TSHZ3: variants seen among roughly 807,000 people sequenced by gnomAD.
The protein encoded by TSHZ3 is teashirt homolog 3.
In TSHZ3, 10 loss-of-function variants were observed where a neutral mutation model predicts 64.5. The ratio of observed to expected loss-of-function variants is 0.16; its 90% confidence interval spans 0.10 to 0.26. TSHZ3 has a LOEUF of 0.26. TSHZ3 is among the 10% of genes least tolerant of loss of function. TSHZ3 has a pLI of 1.00. For missense variants in TSHZ3, 1,242 were observed against 1,421.7 expected (o/e 0.87, Z 2.03); for synonymous variants, 608 against 593.1 (o/e 1.03, Z -0.36).
chr19:31,221,389 T>C (rs1975393439), intron 4 of TSHZ3, among the ~76,000 whole-genome samples: 2 of 152,182 alleles, frequency 1.3e-5, no homozygotes, highest in Admixed American at 6.5e-5. Context: ...TGTCTTCAAA[T>C]CAAAGTCAAC....
chr19:31,212,197 T>A (rs1975265963), intron 4 of TSHZ3, among the ~76,000 whole-genome samples: 1 of 152,146 alleles, frequency 6.6e-6, no homozygotes, highest in Non-Finnish European at 1.5e-5. Flanking sequence ...GGCTCACACC[T>A]GTAATACCAG....
chr19:31,183,224 C>T (rs531534318), intron 5 of TSHZ3, among the ~76,000 whole-genome samples: 2,080 of 25,126 alleles, frequency 0.083, 25 homozygotes, highest in African/African-American at 0.23. Flanking sequence ...CTCTCTCTCT[C>T]TCTTTCTCTC....
At chr19:31,267,820 G>T (rs1976075154) in intron 1 of TSHZ3, among the ~76,000 whole-genome samples, 1 of 152,114 alleles carries the variant, frequency 6.6e-6, no homozygotes, top group East Asian at 1.9e-4. Flanking sequence ...TTGAGAATGG[G>T]GATATTGAAA....
chr19:31,341,778 C>A (rs1030666979), intron 1 of TSHZ3, among the ~76,000 whole-genome samples: 3 of 152,192 alleles, frequency 2.0e-5, no homozygotes, highest in East Asian at 1.9e-4. Flanking sequence ...AGGCCACATT[C>A]TTCCCTGGTT....
intron 5 of TSHZ3, among the ~76,000 whole-genome samples, chr19:31,182,420 C>T (rs1359296758): frequency 6.6e-6 from 1 of 152,160 alleles, no homozygotes; most frequent in Non-Finnish European, 1.5e-5. Context: ...GTGGAAGGCA[C>T]TGTTTCACTC....
intron 5 of TSHZ3, among the ~76,000 whole-genome samples, chr19:31,174,822 A>T (rs894239888): frequency 2.0e-5 from 3 of 152,202 alleles, no homozygotes; most frequent in Non-Finnish European, 4.4e-5. Flanking sequence ...GCTGAACAGG[A>T]GTGGGACCAG....
At chr19:31,225,324 G>A (rs766867813) in intron 4 of TSHZ3, among the ~76,000 whole-genome samples, 12 of 152,112 alleles carry the variant, frequency 7.9e-5, no homozygotes, top group Non-Finnish European at 1.6e-4. Context: ...ACAAGCCTAG[G>A]GGGATAAGCT....
chr19:31,215,728 G>T (rs970680017), intron 4 of TSHZ3, among the ~76,000 whole-genome samples: 3 of 152,054 alleles, frequency 2.0e-5, no homozygotes, highest in Non-Finnish European at 4.4e-5. Flanking sequence ...AAAATTAGCC[G>T]GGCATAGTGG....
At chr19:31,222,997 C>A (rs1267560202) in intron 4 of TSHZ3, among the ~76,000 whole-genome samples, 1 of 152,146 alleles carries the variant, frequency 6.6e-6, no homozygotes, top group Non-Finnish European at 1.5e-5. Flanking sequence ...TTGAGTGGAT[C>A]TCACACAATT....
intron 6 of TSHZ3, among the ~76,000 whole-genome samples, chr19:31,151,935 TA>T (rs1405990618): frequency 6.6e-6 from 1 of 152,194 alleles, no homozygotes; most frequent in Non-Finnish European, 1.5e-5. Context: ...GACAATAGTT[TA>T]ATTATTCACA....
intron 1 of TSHZ3, among the ~76,000 whole-genome samples, chr19:31,293,030 A>AATCCATCC (rs1042589257): frequency 2.5e-5 from 3 of 121,040 alleles, no homozygotes; most frequent in Non-Finnish European, 3.5e-5. Context: ...TCCATCCAAA[A>AATCCATCC]ATCCATCCAT....
chr19:31,264,543 G>A (rs1310428268), intron 1 of TSHZ3, among the ~76,000 whole-genome samples: 1 of 152,148 alleles, frequency 6.6e-6, no homozygotes, highest in Non-Finnish European at 1.5e-5. Context: ...AGGGCCCAGG[G>A]CCAGCCAGAG....
chr19:31,331,826 A>AAGG (rs1917104839), intron 1 of TSHZ3, among the ~76,000 whole-genome samples: 2 of 152,140 alleles, frequency 1.3e-5, no homozygotes, highest in Non-Finnish European at 2.9e-5. Context: ...GCACCTTCGT[A>AAGG]AGGAGGGGTG....
chr19:31,209,772 C>G (rs1455021333), intron 4 of TSHZ3, among the ~76,000 whole-genome samples: 1 of 152,106 alleles, frequency 6.6e-6, no homozygotes, highest in African/African-American at 2.4e-5. Flanking sequence ...TGGTGTTTGT[C>G]AGCAGTTGGG....
intron 1 of TSHZ3, among the ~76,000 whole-genome samples, chr19:31,243,921 G>A (rs994790072): frequency 1.3e-5 from 2 of 152,130 alleles, no homozygotes; most frequent in African/African-American, 4.8e-5. Flanking sequence ...CTACCCTGAG[G>A]GTGGTTATCA....
chr19:31,203,092 T>A (rs1187682046), intron 5 of TSHZ3, among the ~76,000 whole-genome samples: 1 of 149,194 alleles, frequency 6.7e-6, no homozygotes, highest in Non-Finnish European at 1.5e-5. Context: ...AAGAGAAGTA[T>A]GTTTGGAGGA....
chr19:31,237,064 G>A (rs1320490957), intron 3 of TSHZ3, among the ~76,000 whole-genome samples: 3 of 3,852 alleles, frequency 7.8e-4, no homozygotes, highest in African/African-American at 2.7e-3. Context: ...CAGGAGAATC[G>A]CTTGAACCCG....
upstream of TSHZ3, among the ~76,000 whole-genome samples, chr19:31,350,013 C>A (rs1388060584): frequency 1.4e-5 from 2 of 148,070 alleles, no homozygotes; most frequent in Admixed American, 1.3e-4. Context: ...GCGCCAGCCC[C>A]GCCGAGCCCG....
At chr19:31,221,942 C>T (rs192665603) in intron 4 of TSHZ3, among the ~76,000 whole-genome samples, 2 of 152,324 alleles carry the variant, frequency 1.3e-5, no homozygotes, top group African/African-American at 4.8e-5. Context: ...ACCAGCCTCT[C>T]TTCAGCCCCA....
Sources: gnomAD v4.1 joint callset for allele counts (sites outside exome capture counted in the v4.1 genomes callset) on GRCh38, gnomAD v4.1.1 for gene constraint, MANE v1.5 for transcripts, NCBI Gene and HGNC (gene_info 2026-07-23, HGNC 2026-07-21) for gene names.